CTSF: variants seen among roughly 807,000 people sequenced by gnomAD.
CTSF encodes the protein cathepsin F.
CTSF carries 65 observed loss-of-function variants against 63.5 expected under a neutral mutation model. That is an observed-to-expected ratio of 1.02 (90% CI 0.84 to 1.26). The LOEUF (loss-of-function observed/expected upper bound fraction) is 1.26. Among genes scored for constraint, CTSF ranks in the 50% most tolerant of loss-of-function variants. CTSF has a pLI of 0.00. For synonymous variants in CTSF, 256 were observed against 258.1 expected (o/e 0.99, Z 0.08); for missense variants, 641 against 631.0 (o/e 1.02, Z -0.17).
At chr11:66,567,755 G>C (rs1208368646) in intron 2 of CTSF, 93 bp from the exon 3 acceptor site, 1 of 1,510,480 alleles carries the variant, frequency 6.6e-7, no homozygotes, top group Non-Finnish European at 8.8e-7. Context: ...CCTCAGATGA[G>C]AGCCACCCCT....
At chr11:66,567,392 G>A in intron 3 of CTSF, 52 bp downstream of exon 3, 2 of 1,612,444 alleles carry the variant, frequency 1.2e-6, no homozygotes, top group Admixed American at 1.7e-5. Flanking sequence ...AGGGTGATGA[G>A]GCAGCGGCTG....
In CTSF at chr11:66,567,995, T is replaced by G. The variant is rs143077418; in HGVS notation, c.301A>C (p.Lys101Gln). The change falls in exon 2 of 13, where the codon AAG becomes CAG. Residue 101 changes from lysine (K) to glutamine (Q), a missense_variant. Physicochemically the swap from Lys to Gln is moderately conservative, Grantham distance 53. Coordinates refer to ENST00000310325, the MANE Select transcript of CTSF (RefSeq NM_003793.4). ...DPMVCRLPVSKKTLLCSFQVL... is the reference protein window; with the variant it reads ...DPMVCRLPVSQKTLLCSFQVL... ...GCCTCATCACTCACCAGGGTTTTCT[T>G]GGACACGGGGAGCCGGCACACCATG... 1.3e-6 allele frequency: 2 copies of G among 1,592,382 alleles called. No homozygotes were observed. Among genetic ancestry groups the G allele is most frequent in the Non-Finnish European group, 1.7e-6 (2 of 1,171,292 alleles).
chr11:66,563,745 ACTT>A lies in CTSF; in HGVS notation c.*185_*187del. ...AATTCAACAAAGGTGCAGGTGCAGA[ACTT>A]CAGGGTGGGAATGGGGTGCAGGGAA... On this transcript the variant is annotated 3_prime_UTR_variant, in exon 13 of 13. Coordinates refer to ENST00000310325, the MANE Select transcript of CTSF (RefSeq NM_003793.4). The A allele has an allele frequency of 1.5e-6, 1 of 668,398 alleles. No homozygotes were observed. Among genetic ancestry groups the A allele is most frequent in the Non-Finnish European group, 2.5e-6 (1 of 396,994 alleles). 41.4% of individuals were successfully genotyped at this position (668,398 alleles called of 1,614,324 possible). A position where few individuals can be genotyped will look rare whatever the true frequency, so the allele number is the denominator to read the frequency against.
chr11:66,566,231 C>T lies in CTSF; in HGVS notation c.721+60G>A, dbSNP rs1163614668. On this transcript the variant is annotated intron_variant, in intron 5 of 12. Transcript: ENST00000310325. ...GTTCTAAGCCAGACCTGACCAGAGG[C>T]CTTGCGAGCAAGGTCCTGTCTCTTC... 2.5e-6 allele frequency: 4 copies of T among 1,613,618 alleles called. No homozygotes were observed. In the African/African-American group the frequency reaches 4.0e-5, roughly 16 times the overall value.
At chr11:66,567,960 A>C in intron 2 of CTSF, 24 bp downstream of exon 2, 1 of 1,571,752 alleles carries the variant, frequency 6.4e-7, no homozygotes, top group South Asian at 1.2e-5. Context: ...CGGGGCGGGG[A>C]ACCCCAAGAG....
chr11:66,564,693 G>A (rs772558572), intron 10 of CTSF, 45 bp from the exon 11 acceptor site: 13 of 1,613,040 alleles, frequency 8.1e-6, no homozygotes, highest in African/African-American at 1.3e-5. Flanking sequence ...AGAAGAGGTC[G>A]GGGAGGTCAA....
Position 66,564,741 on chromosome 11 carries a change from C to A in CTSF, c.1230+1G>T. On this transcript the variant is annotated splice_donor_variant, in intron 10 of 12. Transcript: ENST00000310325. LOFTEE classifies it high-confidence loss of function. ...CAGGGGCAGTGGGGCTAGGGCCTCA[C>A]CTGCATGCCAAAGGCATTGATGGCC... 1.9e-6 allele frequency: 3 copies of A among 1,614,014 alleles called. No individual in the cohort carries two copies. In the South Asian group the frequency reaches 3.3e-5, roughly 18 times the overall value.
intron 8 of CTSF, 128 bp downstream of exon 8, chr11:66,565,543 G>A: frequency 7.5e-7 from 1 of 1,331,770 alleles, no homozygotes; most frequent in Non-Finnish European, 1.1e-6. Context: ...CGCCTGGCTG[G>A]GTCAGCATTA....
intron 8 of CTSF, 128 bp from the exon 9 acceptor site, chr11:66,565,134 T>G: frequency 7.0e-7 from 1 of 1,428,086 alleles, no homozygotes; most frequent in Non-Finnish European, 9.3e-7. Context: ...CCATCCCCTC[T>G]GAAGAATGTC....
Position 66,567,429 on chromosome 11 carries a change from C to G in CTSF, c.531+15G>C, listed in dbSNP as rs1469375777. The stretch of plus-strand genomic sequence containing the variant: ...CTCCTCAAGCTGAGGGCTCCTCAAG[C>G]TGAGGGCTCCTCACCTGGGACAGGG... On this transcript the variant is annotated intron_variant, in intron 3 of 12. Transcript: ENST00000310325. 2.5e-6 allele frequency: 4 copies of G among 1,609,480 alleles called. No homozygotes were observed. The highest frequency in any genetic ancestry group is 2.2e-5 in the East Asian group (1 of 44,584).
At chr11:66,564,056 G>A (rs372692987) in intron 12 of CTSF, 32 bp downstream of exon 12, 23 of 1,613,292 alleles carry the variant, frequency 1.4e-5, no homozygotes, top group African/African-American at 2.7e-5. Context: ...GATGGCGGCT[G>A]GAGGGCCAGG....
In CTSF at chr11:66,565,667, A is replaced by C; in HGVS notation, c.1045+4T>G. ...TTGCCCCTCCTGACCCCATTAATGC[A>C]TACCCAAATTCTTTATGGCCGAGTA... On this transcript the variant is annotated splice_donor_region_variant and intron_variant, in intron 8 of 12. Coordinates refer to ENST00000310325, the MANE Select transcript of CTSF (RefSeq NM_003793.4). The C allele has an allele frequency of 6.2e-7, 1 of 1,613,370 alleles. No homozygotes were observed.
At chr11:66,567,788 G>C in intron 2 of CTSF, 126 bp from the exon 3 acceptor site, 1 of 1,410,488 alleles carries the variant, frequency 7.1e-7, no homozygotes, top group South Asian at 1.4e-5. Context: ...CCATCACAGT[G>C]GACAGTGAGG....
Position 66,568,604 on chromosome 11 carries a change from A to C in CTSF, c.-118T>G. Reference sequence around the variant, plus strand: ...CCAGCGGGGCGACGGCACGCCGACCAATGGGCGCTGGTTTGCGGCGCCTGC... The same window carrying C: ...CCAGCGGGGCGACGGCACGCCGACCCATGGGCGCTGGTTTGCGGCGCCTGC... On this transcript the variant is annotated 5_prime_UTR_variant, in exon 1 of 13. The change creates a new upstream start codon in the 5' untranslated region. Coordinates refer to ENST00000310325, the MANE Select transcript of CTSF (RefSeq NM_003793.4). The C allele has an allele frequency of 8.1e-7, 1 of 1,239,718 alleles. No homozygotes were observed. Among genetic ancestry groups the C allele is most frequent in the Non-Finnish European group, 1.1e-6 (1 of 945,416 alleles). The allele number at this position is 1,239,718 out of a possible 1,614,324, so 76.8% of individuals were successfully genotyped here. A position where few individuals can be genotyped will look rare whatever the true frequency, so the allele number is the denominator to read the frequency against.
chr11:66,566,180 G>C lies in CTSF; in HGVS notation c.722-13C>G. 1 of 1,614,072 alleles carries C rather than the reference G, an allele frequency of 6.2e-7. No individual in the cohort carries two copies. Among genetic ancestry groups the C allele is most frequent in the Non-Finnish European group, 8.5e-7 (1 of 1,179,998 alleles). On this transcript the variant is annotated splice_polypyrimidine_tract_variant and intron_variant, in intron 5 of 12. Transcript: ENST00000310325. ...CGGAACTCCTCCTCTGCGGGCAAAG[G>C]TGGGCAGGGCATGGGGAGGAAGAGT...
chr11:66,564,067 G>T (rs752158022), intron 12 of CTSF, 21 bp downstream of exon 12: 1 of 1,613,400 alleles, frequency 6.2e-7, no homozygotes, highest in South Asian at 1.1e-5. Context: ...GAGGGCCAGG[G>T]GCCAAGCCAG....
In CTSF at chr11:66,566,152, G is replaced by C; in HGVS notation, c.737C>G (p.Thr246Ser). ...FSDLTEEEFR[T>S]IYLNTLLRKE... ...CCTCAGGAGAGTATTCAGGTAGATA[G>C]TGCGGAACTCCTCCTCTGCGGGCAA... The change falls in exon 6 of 13, where the codon ACT becomes AGT. Residue 246 changes from threonine (T) to serine (S), a missense_variant. Transcript: ENST00000310325. The C allele has an allele frequency of 6.2e-7, 1 of 1,614,172 alleles. No individual in the cohort carries two copies. Among genetic ancestry groups the C allele is most frequent in the South Asian group, 1.1e-5 (1 of 91,080 alleles).
In CTSF at chr11:66,568,408, C is replaced by A. The variant is rs1345876442; in HGVS notation, c.79G>T (p.Ala27Ser). 2 of 1,326,922 alleles carry A rather than the reference C, an allele frequency of 1.5e-6. No individual in the cohort carries two copies. The highest frequency in any genetic ancestry group is 1.9e-6 in the Non-Finnish European group (2 of 1,046,834). The allele number at this position is 1,326,922 out of a possible 1,614,324, so 82.2% of individuals were successfully genotyped here. ...GGCGGCCCCCAGGCCTGAAAGCTGGCGGCTCGGGGCTGGGCGGGGGCGGCC... is the reference window on the plus strand; with the variant it reads ...GGCGGCCCCCAGGCCTGAAAGCTGGAGGCTCGGGGCTGGGCGGGGGCGGCC... ...AVAAPAQPRA[A>S]SFQAWGPPSP... The change falls in exon 1 of 13, where the codon GCC (alanine) becomes TCC (serine). Residue 27 changes from alanine to serine, a missense_variant. Physicochemically the swap from Ala to Ser is moderately conservative, Grantham distance 99. Coordinates refer to ENST00000310325, the MANE Select transcript of CTSF (RefSeq NM_003793.4).
Position 66,565,670 on chromosome 11 carries a change from C to G in CTSF, c.1045+1G>C. ...CCCCTCCTGACCCCATTAATGCATA[C>G]CCAAATTCTTTATGGCCGAGTAGGC... On this transcript the variant is annotated splice_donor_variant, in intron 8 of 12. Transcript: ENST00000310325. LOFTEE classifies it high-confidence loss of function. 1.2e-6 allele frequency: 2 copies of G among 1,613,392 alleles called. No homozygotes were observed. The highest frequency in any genetic ancestry group is 1.7e-6 in the Non-Finnish European group (2 of 1,180,034).
Sources: allele counts gnomAD v4.1 joint callset, GRCh38; gene constraint gnomAD v4.1.1; transcripts MANE v1.5; gene names NCBI Gene and HGNC (gene_info 2026-07-23, HGNC 2026-07-21).